ZNF423: variants seen among roughly 807,000 people sequenced by gnomAD.
ZNF423 encodes Ebf-associated zinc finger protein.
In ZNF423, 12 loss-of-function variants were observed where a neutral mutation model predicts 95.8. That is an observed-to-expected ratio of 0.13 (90% CI 0.08 to 0.20). ZNF423 has a LOEUF of 0.20. ZNF423 is among the 10% of genes least tolerant of loss of function. The pLI, the probability that ZNF423 is intolerant of heterozygous loss-of-function variation, is 1.00. For missense variants in ZNF423, 1,316 were observed against 1,737.1 expected (o/e 0.76, Z 4.31); for synonymous variants, 749 against 711.9 (o/e 1.05, Z -0.83).
intron 5 of ZNF423, among the ~76,000 whole-genome samples, chr16:49,532,284 C>T (rs1189492777): frequency 2.0e-5 from 3 of 152,184 alleles, no homozygotes; most frequent in Non-Finnish European, 4.4e-5. Context: ...TCACGGCTGT[C>T]CCCGACCCCC....
At chr16:49,796,507 GTGGGGCCCAGACAGGGC>G (rs917265011) in intron 1 of ZNF423, among the ~76,000 whole-genome samples, 1 of 152,242 alleles carries the variant, frequency 6.6e-6, no homozygotes, top group African/African-American at 2.4e-5. Context: ...GAACACAGCA[GTGGGGCCCAGACAGGGC>G]TGGGGCCCTG....
chr16:49,494,252 C>T (rs1038499983), intron 7 of ZNF423, among the ~76,000 whole-genome samples: 1 of 152,238 alleles, frequency 6.6e-6, no homozygotes, highest in Non-Finnish European at 1.5e-5. Context: ...TCTGAGGTTA[C>T]ACTCAAGAAA....
At position 49,646,012 on chromosome 16, in the gene ZNF423, A is replaced by C. The variant is rs553199179; in HGVS notation, c.302-7138T>G. Among the ~76,000 whole-genome samples, 17 of 152,360 alleles carry C rather than the reference A, an allele frequency of 1.1e-4. No individual in the cohort carries two copies. The South Asian group carries it at 3.5e-3, about 32-fold the overall frequency. On this transcript the variant is annotated intron_variant, in intron 3 of 7. Transcript: ENST00000563137. ...ATAAATTACCCAGTCTTGGGTATTT[A>C]TTCACAGCAGCATGAGAATGAACTA...
At chr16:49,840,914 C>A (rs2035176240) in intron 1 of ZNF423, among the ~76,000 whole-genome samples, 1 of 152,182 alleles carries the variant, frequency 6.6e-6, no homozygotes, top group Non-Finnish European at 1.5e-5. Flanking sequence ...CCAGGAAGCC[C>A]CTTGAGAAGG....
intron 2 of ZNF423, among the ~76,000 whole-genome samples, chr16:49,774,128 T>C (rs1183332690): frequency 6.6e-6 from 1 of 152,236 alleles, no homozygotes; most frequent in Non-Finnish European, 1.5e-5. Context: ...CCCAGGCTCC[T>C]TGGGGTCCTC....
intron 1 of ZNF423, among the ~76,000 whole-genome samples, chr16:49,852,987 G>A (rs1406231098): frequency 1.3e-5 from 2 of 152,278 alleles, no homozygotes; most frequent in East Asian, 1.9e-4. Context: ...GCATCCATTC[G>A]AAATTGTTGT....
intron 1 of ZNF423, chr16:49,822,883 A>G: frequency 1.8e-6 from 1 of 570,026 alleles, no homozygotes; most frequent in South Asian, 2.5e-5. Flanking sequence ...TCATCTACGC[A>G]GCCAGGATTT....
intron 3 of ZNF423, among the ~76,000 whole-genome samples, chr16:49,677,240 A>AGAGAAGAGAAGAGAG (rs1374930769): frequency 8.7e-4 from 13 of 14,948 alleles, no homozygotes; most frequent in African/African-American, 3.9e-3. Flanking sequence ...AGAGAAGAGA[A>AGAGAAGAGAAGAGAG]GAGAAGATAA....
intron 3 of ZNF423, among the ~76,000 whole-genome samples, chr16:49,672,762 G>C (rs2030870747): frequency 6.6e-6 from 1 of 152,194 alleles, no homozygotes; most frequent in African/African-American, 2.4e-5. Flanking sequence ...AGGTTGCACT[G>C]AGCCGAGATC....
intron 2 of ZNF423, among the ~76,000 whole-genome samples, chr16:49,773,794 A>T (rs1188178324): frequency 2.6e-5 from 4 of 152,132 alleles, no homozygotes; most frequent in Non-Finnish European, 5.9e-5. Flanking sequence ...TGATAATACC[A>T]ATGGTCAAAG....
chr16:49,517,700 C>A, intron 7 of ZNF423: 3 of 220,090 alleles, frequency 1.4e-5, no homozygotes, highest in South Asian at 5.6e-5. Context: ...ATTGTTAGAT[C>A]AGGCCAGTTA....
At chr16:49,590,922 TAG>T (rs1970994112) in intron 5 of ZNF423, among the ~76,000 whole-genome samples, 1 of 152,134 alleles carries the variant, frequency 6.6e-6, no homozygotes, top group Non-Finnish European at 1.5e-5. Context: ...TGATGTTCAA[TAG>T]AGAGTTGTTT....
chr16:49,735,133 C>T (rs74016948), intron 2 of ZNF423, among the ~76,000 whole-genome samples: 1,792 of 152,260 alleles, frequency 0.012, 36 homozygotes, highest in African/African-American at 0.041. Context: ...GGTTCAGCAA[C>T]GGCTCTGCTG....
intron 5 of ZNF423, among the ~76,000 whole-genome samples, chr16:49,529,715 G>A (rs1297051440): frequency 6.6e-6 from 1 of 152,204 alleles, no homozygotes; most frequent in African/African-American, 2.4e-5. Context: ...GTGAAGCTCA[G>A]GTGGGCCCCA....
Position 49,607,386 on chromosome 16 carries a change from A to G in ZNF423, c.3601+18784T>C, listed in dbSNP as rs1420222436. On this transcript the variant is annotated intron_variant, in intron 5 of 7. Transcript: ENST00000563137. Reference sequence around the variant, plus strand: ...TCTTTTAAGGATTCATGTTATCAGTAGAAATGACTACCTTTTTCCCAAAGC... The same window carrying G: ...TCTTTTAAGGATTCATGTTATCAGTGGAAATGACTACCTTTTTCCCAAAGC... Among the ~76,000 whole-genome samples, 5 of 152,362 alleles carry G rather than the reference A, an allele frequency of 3.3e-5. No individual in the cohort carries two copies. In the South Asian group the frequency reaches 8.3e-4, roughly 25 times the overall value.
At chr16:49,539,437 C>G (rs1324815837) in intron 5 of ZNF423, among the ~76,000 whole-genome samples, 1 of 152,196 alleles carries the variant, frequency 6.6e-6, no homozygotes, top group Non-Finnish European at 1.5e-5. Flanking sequence ...AGCACATGAA[C>G]AGAAGTGCAG....
intron 5 of ZNF423, among the ~76,000 whole-genome samples, chr16:49,583,770 G>T (rs926177724): frequency 1.4e-4 from 22 of 152,180 alleles, no homozygotes; most frequent in African/African-American, 5.3e-4. Context: ...ATATTGATCA[G>T]GTTTAGGCTA....
intron 3 of ZNF423, chr16:49,664,194 G>T: frequency 1.0e-6 from 1 of 985,536 alleles, no homozygotes; most frequent in Non-Finnish European, 1.2e-6. Flanking sequence ...GCAGGCGAGG[G>T]CTGGAGAGGC....
intron 1 of ZNF423, among the ~76,000 whole-genome samples, chr16:49,835,512 C>T (rs2035108372): frequency 6.6e-6 from 1 of 152,246 alleles, no homozygotes; most frequent in South Asian, 2.1e-4. Flanking sequence ...GAAGCCAGGC[C>T]ACAGACCCCT....
Sources: gnomAD v4.1 joint callset for allele counts (sites outside exome capture counted in the v4.1 genomes callset) on GRCh38, gnomAD v4.1.1 for gene constraint, MANE v1.5 for transcripts, NCBI Gene and HGNC (gene_info 2026-07-23, HGNC 2026-07-21) for gene names.